The following INPP5F variants were observed in gnomAD, a reference collection of about 807,000 sequenced individuals.
The protein encoded by INPP5F is inositol polyphosphate-5-phosphatase F, also known as phosphatidylinositide 4-phosphatase SAC2.
A neutral mutation model predicts 137.2 loss-of-function variants in INPP5F; 97 were observed. That is an observed-to-expected ratio of 0.71 (90% CI 0.60 to 0.84). INPP5F has a LOEUF of 0.84. INPP5F is among the 40% of genes least tolerant of loss of function. The pLI is 0.00. For missense variants in INPP5F, 1,271 were observed against 1,371.9 expected, an observed-to-expected ratio of 0.93 and a Z score of 1.16; for synonymous variants, 504 against 476.9, an observed-to-expected ratio of 1.06 and a Z score of -0.74.
At chr10:119,817,431 G>A (rs925311658) in intron 15 of INPP5F, among the ~76,000 whole-genome samples, 2 of 152,184 alleles carry the variant, frequency 1.3e-5, no homozygotes, top group Non-Finnish European at 2.9e-5. Flanking sequence ...GCCGTTTTAC[G>A]TTTCCACCAG....
rs149074096 is a variant in INPP5F at position 119,826,901 on chromosome 10, G to T, written c.2520G>T (p.Met840Ile). 3.1e-6 allele frequency: 5 copies of T among 1,614,006 alleles called. No individual in the cohort carries two copies. The Admixed American group carries it at 6.7e-5, about 22-fold the overall frequency. ...SLETMENTGV[M>I]DKVQAESDGD... ...AAACTATGGAAAACACAGGAGTGAT[G>T]GATAAGGTTCAGGCAGAGTCTGATG... The change falls in exon 20 of 20, where the codon ATG becomes ATT. Residue 840 changes from methionine (M) to isoleucine (I), a missense_variant. Transcript: ENST00000650623.
intron 1 of INPP5F, among the ~76,000 whole-genome samples, chr10:119,731,200 A>T (rs1564796413): frequency 6.6e-6 from 1 of 152,184 alleles, no homozygotes; most frequent in Non-Finnish European, 1.5e-5. Context: ...TTACTATGTC[A>T]TATGAGGTTA....
chr10:119,755,151 T>A (rs1848802421), intron 2 of INPP5F, among the ~76,000 whole-genome samples: 1 of 152,234 alleles, frequency 6.6e-6, no homozygotes, highest in African/African-American at 2.4e-5. Flanking sequence ...CTCTGTGGAA[T>A]GAGCAAGTGC....
intron 1 of INPP5F, among the ~76,000 whole-genome samples, chr10:119,736,549 T>G (rs1323425277): frequency 6.6e-6 from 1 of 152,224 alleles, no homozygotes; most frequent in Non-Finnish European, 1.5e-5. Flanking sequence ...ATAGTTGTAT[T>G]CATTTCCATC....
chr10:119,734,946 A>G (rs895760923), intron 1 of INPP5F, among the ~76,000 whole-genome samples: 3 of 152,242 alleles, frequency 2.0e-5, no homozygotes, highest in Admixed American at 6.5e-5. Context: ...TGAGGAGAAC[A>G]TTTGAATCAG....
chr10:119,760,428 G>T (rs1471145646), intron 2 of INPP5F, among the ~76,000 whole-genome samples: 1 of 152,108 alleles, frequency 6.6e-6, no homozygotes, highest in Non-Finnish European at 1.5e-5. Context: ...TCCAGCCTGG[G>T]CAACCTAGTG....
chr10:119,808,604 C>T (rs1037052555), intron 13 of INPP5F, among the ~76,000 whole-genome samples: 1 of 152,132 alleles, frequency 6.6e-6, no homozygotes, highest in Non-Finnish European at 1.5e-5. Context: ...CACGTAAATG[C>T]GGAAGAAATG....
At position 119,798,550 on chromosome 10, in the gene INPP5F, G is replaced by A. The variant is rs749929937; in HGVS notation, c.1056G>A (p.Lys352=). 2 of 1,611,282 alleles carry A rather than the reference G, an allele frequency of 1.2e-6. No homozygotes were observed. Among genetic ancestry groups the A allele is most frequent in the African/African-American group, 1.3e-5 (1 of 74,810 alleles). Residue 352 remains lysine, a synonymous_variant, in exon 9 of 20, where the codon AAG becomes AAA. Transcript: ENST00000650623. ...TGTATCACTTCTTTGTAGGTGAAAAGGAAACTGTTGCCTATTTCTGTGCCC... is the reference window on the plus strand; with the variant it reads ...TGTATCACTTCTTTGTAGGTGAAAAAGAAACTGTTGCCTATTTCTGTGCCC... ...NPRPRLDRSE[K]ETVAYFCAHF... is the part of the protein sequence containing the mutation.
chr10:119,797,365 A>G (rs972073499), intron 7 of INPP5F, 96 bp from the exon 8 acceptor site: 1 of 984,238 alleles, frequency 1.0e-6, no homozygotes, highest in Non-Finnish European at 1.5e-6. Flanking sequence ...CCCCAAGGCT[A>G]TCCTGGAAGA....
chr10:119,806,587 C>A, intron 12 of INPP5F, 107 bp downstream of exon 12: 1 of 1,059,816 alleles, frequency 9.4e-7, no homozygotes, highest in Non-Finnish European at 1.3e-6. Context: ...TTCTTTACAA[C>A]ATTTACAATA....
chr10:119,732,829 T>G (rs1437737620), intron 1 of INPP5F, among the ~76,000 whole-genome samples: 2 of 152,208 alleles, frequency 1.3e-5, no homozygotes, highest in African/African-American at 2.4e-5. Context: ...CTGAGCACTT[T>G]TCTGAGCCAG....
chr10:119,794,860 C>T (rs1589722976), intron 6 of INPP5F, among the ~76,000 whole-genome samples: 1 of 119,876 alleles, frequency 8.3e-6, no homozygotes, highest in African/African-American at 2.8e-5. Context: ...GACCCCCTCC[C>T]CACCTCCCTC....
chr10:119,808,020 A>G lies in INPP5F; in HGVS notation c.1529A>G (p.Asp510Gly). 6.2e-7 allele frequency: 1 copy of G among 1,613,832 alleles called. No homozygotes were observed. The highest frequency in any genetic ancestry group is 1.1e-5 in the South Asian group (1 of 91,036). The change falls in exon 13 of 20, where the codon GAC (aspartate) becomes GGC (glycine). Residue 510 changes from aspartate (D) to glycine (G), a missense_variant. This residue lies in a region of INPP5F where 593 missense variants were observed against 712.4 expected (regional missense o/e 0.83). Transcript: ENST00000650623. ...CAGATAATGTGGGCCAATAATGGTG[A>G]CTCCATTAGCAGACAGTATGCTGGG... ...IYQIMWANNGDSISRQYAGTA... is the reference protein window; with the variant it reads ...IYQIMWANNGGSISRQYAGTA...
At chr10:119,816,413 C>T (rs769020510) in intron 15 of INPP5F, 1 of 152,190 alleles carries the variant, frequency 6.6e-6, no homozygotes, top group Non-Finnish European at 1.5e-5. Context: ...ATCTAGATTA[C>T]AGAATTCTTT....
intron 1 of INPP5F, among the ~76,000 whole-genome samples, chr10:119,734,324 G>T (rs1477941418): frequency 6.6e-6 from 1 of 152,126 alleles, no homozygotes; most frequent in East Asian, 1.9e-4. Context: ...CTAGTTTGGG[G>T]TATATCCCAA....
chr10:119,808,299 A>G (rs1850881788), intron 13 of INPP5F, among the ~76,000 whole-genome samples: 1 of 152,300 alleles, frequency 6.6e-6, no homozygotes, highest in Middle Eastern at 3.4e-3. Flanking sequence ...GGAGGGGCCT[A>G]TGTTGCCAGA....
rs1251935282 is a variant in INPP5F at position 119,726,097 on chromosome 10, T to G, written c.-166T>G. 1 of 379,824 alleles carries G rather than the reference T, an allele frequency of 2.6e-6. No homozygotes were observed. Among genetic ancestry groups the G allele is most frequent in the Non-Finnish European group, 4.6e-6 (1 of 216,734 alleles). 23.5% of individuals were successfully genotyped at this position (379,824 alleles called of 1,614,324 possible). ...TGCCGCCGCCGCTGCCGGGGCGCGTTCTCCTCCTACCGGTCGGGTGCCCCG... is the reference window on the plus strand; with the variant it reads ...TGCCGCCGCCGCTGCCGGGGCGCGTGCTCCTCCTACCGGTCGGGTGCCCCG... On this transcript the variant is annotated 5_prime_UTR_variant, in exon 1 of 20. Transcript: ENST00000650623.
chr10:119,771,896 T>C (rs1242800041), intron 2 of INPP5F, among the ~76,000 whole-genome samples: 1 of 74,668 alleles, frequency 1.3e-5, no homozygotes, highest in Non-Finnish European at 2.7e-5. Context: ...TTTTTTTTTT[T>C]TTTTTTTTTT....
Position 119,726,200 on chromosome 10 carries a change from A to G in INPP5F, c.-63A>G. Reference sequence around the variant, plus strand: ...CGAGGCGCGGGCTCTGGCGGCCTCGACCGACTAGGACGCCCCGTGCGCCGC... The same window carrying G: ...CGAGGCGCGGGCTCTGGCGGCCTCGGCCGACTAGGACGCCCCGTGCGCCGC... On this transcript the variant is annotated 5_prime_UTR_variant, in exon 1 of 20. Coordinates refer to ENST00000650623, the MANE Select transcript of INPP5F (RefSeq NM_014937.4). 1 of 1,091,894 alleles carries G rather than the reference A, an allele frequency of 9.2e-7. No homozygotes were observed. The highest frequency in any genetic ancestry group is 1.2e-6 in the Non-Finnish European group (1 of 831,466). 67.6% of individuals were successfully genotyped at this position (1,091,894 alleles called of 1,614,324 possible).
Sources: gnomAD v4.1 joint callset for allele counts (sites outside exome capture counted in the v4.1 genomes callset) on GRCh38, gnomAD v4.1.1 for gene constraint, gnomAD v4.1.1 regional missense constraint, MANE v1.5 for transcripts, NCBI Gene and HGNC (gene_info 2026-07-23, HGNC 2026-07-21) for gene names.